Variants in ADGRL2 observed in about 807,000 individuals in gnomAD.
ADGRL2 encodes adhesion G protein-coupled receptor L2.
Under a neutral mutation model 157.4 loss-of-function variants are expected in ADGRL2, and 44 were observed. The observed-to-expected ratio is 0.28, with a 90% CI of 0.22 to 0.36. ADGRL2 has a LOEUF of 0.36. Ranked by LOEUF, ADGRL2 falls within the 10% of genes least tolerant of loss-of-function variation. ADGRL2 has a pLI of 1.00. For synonymous variants in ADGRL2, 585 were observed against 624.7 expected (o/e 0.94, Z 0.95); for missense variants, 1,510 against 1,768.9 (o/e 0.85, Z 2.63).
At chr1:81,374,714 G>A (rs989608285) in intron 1 of ADGRL2, among the ~76,000 whole-genome samples, 3 of 152,138 alleles carry the variant, frequency 2.0e-5, no homozygotes, top group African/African-American at 7.2e-5. Context: ...GCACTTGTCT[G>A]CTCTGGCATG....
At chr1:81,748,028 T>C (rs1367380283) in intron 1 of ADGRL2, among the ~76,000 whole-genome samples, 1 of 152,180 alleles carries the variant, frequency 6.6e-6, no homozygotes, top group South Asian at 2.1e-4. Context: ...TGCTACTAAC[T>C]TCTGCTTACA....
chr1:81,612,716 G>T (rs1037341443), intron 3 of ADGRL2, among the ~76,000 whole-genome samples: 1 of 152,028 alleles, frequency 6.6e-6, no homozygotes, highest in South Asian at 2.1e-4. Context: ...AAACAATGAC[G>T]ACAAACAAAC....
At chr1:81,920,065 C>G (rs2094942692) in intron 3 of ADGRL2, among the ~76,000 whole-genome samples, 1 of 152,106 alleles carries the variant, frequency 6.6e-6, no homozygotes, top group East Asian at 1.9e-4. Context: ...CATTGGGTAT[C>G]ATGAAGCAGA....
intron 1 of ADGRL2, among the ~76,000 whole-genome samples, chr1:81,310,973 C>T (rs959669539): frequency 5.3e-5 from 8 of 152,074 alleles, no homozygotes; most frequent in Admixed American, 4.6e-4. Flanking sequence ...ACGTGTCCCT[C>T]ATTACTAAAT....
In ADGRL2 at chr1:81,979,862, A is replaced by C. The variant is rs746425455; in HGVS notation, c.3022-7A>C. 1 of 1,550,588 alleles carries C rather than the reference A, an allele frequency of 6.4e-7. No individual in the cohort carries two copies. The highest frequency in any genetic ancestry group is 1.7e-5 in the Admixed American group (1 of 59,410). On this transcript the variant is annotated splice_polypyrimidine_tract_variant and splice_region_variant and intron_variant, in intron 17 of 23. Transcript: ENST00000686636. ...ATTGTGGTCTAATTCTTTATTTGTT[A>C]CAACAGCTAAATATTATCTTCTTGG...
intron 2 of ADGRL2, among the ~76,000 whole-genome samples, chr1:81,570,483 G>A (rs1387260499): frequency 6.6e-6 from 1 of 152,136 alleles, no homozygotes; most frequent in Non-Finnish European, 1.5e-5. Flanking sequence ...CTGCCTCCCA[G>A]GTTCAAGCAA....
intron 1 of ADGRL2, among the ~76,000 whole-genome samples, chr1:81,389,847 C>T (rs918984853): frequency 4.0e-5 from 6 of 151,834 alleles, no homozygotes; most frequent in Admixed American, 1.3e-4. Flanking sequence ...GAAACTACAT[C>T]GTAGAAACAT....
intron 11 of ADGRL2, among the ~76,000 whole-genome samples, 155 bp downstream of exon 11, chr1:81,956,215 T>A (rs1653465263): frequency 6.6e-6 from 1 of 152,186 alleles, no homozygotes; most frequent in South Asian, 2.1e-4. Flanking sequence ...TGACCACACT[T>A]ACTAAAATTC....
intron 3 of ADGRL2, among the ~76,000 whole-genome samples, chr1:81,677,976 A>G (rs1487920142): frequency 6.6e-6 from 1 of 152,144 alleles, no homozygotes; most frequent in Non-Finnish European, 1.5e-5. Context: ...CTGAACTTCT[A>G]TCTTTGCACT....
intron 8 of ADGRL2, 93 bp downstream of exon 8, chr1:81,951,214 A>G: frequency 3.6e-6 from 3 of 833,338 alleles, no homozygotes; most frequent in Non-Finnish European, 6.0e-6. Context: ...AACCAGCTTT[A>G]TTGCTCTTTG....
intron 1 of ADGRL2, among the ~76,000 whole-genome samples, chr1:81,404,873 AT>A (rs2101326980): frequency 6.6e-6 from 1 of 152,320 alleles, no homozygotes; most frequent in Non-Finnish European, 1.5e-5. Flanking sequence ...TTTAATTACA[AT>A]AGAAGAGTAC....
intron 2 of ADGRL2, among the ~76,000 whole-genome samples, chr1:81,839,418 A>T (rs961594646): frequency 2.0e-5 from 3 of 151,864 alleles, no homozygotes; most frequent in African/African-American, 7.3e-5. Context: ...ATTTGGGCAC[A>T]GGTGGTATTT....
chr1:81,434,634 G>T (rs2077378043), intron 1 of ADGRL2, among the ~76,000 whole-genome samples: 1 of 152,036 alleles, frequency 6.6e-6, no homozygotes, highest in African/African-American at 2.4e-5. Flanking sequence ...AGTGAGGGAG[G>T]ATTACAAACA....
At chr1:81,422,062 T>C (rs1221377433) in intron 1 of ADGRL2, among the ~76,000 whole-genome samples, 1 of 152,198 alleles carries the variant, frequency 6.6e-6, no homozygotes, top group Admixed American at 6.5e-5. Flanking sequence ...AATCATAAAA[T>C]TGTTTTACAT....
chr1:81,464,588 A>G (rs1441791311), intron 2 of ADGRL2, among the ~76,000 whole-genome samples: 1 of 152,198 alleles, frequency 6.6e-6, no homozygotes, highest in Non-Finnish European at 1.5e-5. Flanking sequence ...AGAACTCATC[A>G]TAATGGACTT....
At chr1:81,907,709 A>G (rs1428411585) in intron 3 of ADGRL2, among the ~76,000 whole-genome samples, 1 of 152,134 alleles carries the variant, frequency 6.6e-6, no homozygotes, top group Non-Finnish European at 1.5e-5. Flanking sequence ...ATATCCACAC[A>G]CAGAGTGTTT....
intron 1 of ADGRL2, among the ~76,000 whole-genome samples, chr1:81,377,490 T>C (rs2076270038): frequency 6.6e-6 from 1 of 152,116 alleles, no homozygotes; most frequent in Non-Finnish European, 1.5e-5. Flanking sequence ...AGTGGCTGGT[T>C]GCTGTTTGGT....
chr1:81,568,483 T>C (rs1055730625), intron 2 of ADGRL2, among the ~76,000 whole-genome samples: 1 of 152,110 alleles, frequency 6.6e-6, no homozygotes, highest in African/African-American at 2.4e-5. Flanking sequence ...ATTAAACTTG[T>C]AGAGAATGAT....
At chr1:81,680,681 C>T (rs1454309183) in intron 3 of ADGRL2, among the ~76,000 whole-genome samples, 1 of 151,954 alleles carries the variant, frequency 6.6e-6, no homozygotes, top group African/African-American at 2.4e-5. Flanking sequence ...GCTCGAGATC[C>T]AATTCAGCCT....
Sources: gnomAD v4.1 joint callset for allele counts (sites outside exome capture counted in the v4.1 genomes callset) on GRCh38, gnomAD v4.1.1 for gene constraint, MANE v1.5 for transcripts, NCBI Gene and HGNC (gene_info 2026-07-23, HGNC 2026-07-21) for gene names.